The following MROH7 variants were observed in gnomAD, a reference collection of about 807,000 sequenced individuals.
MROH7 encodes the protein maestro heat-like repeat-containing protein family member 7.
A neutral mutation model predicts 129.2 loss-of-function variants in MROH7; 113 were observed. That is an observed-to-expected ratio of 0.87 (90% CI 0.75 to 1.02). The LOEUF is 1.02. Ranked by LOEUF, MROH7 falls within the 50% of genes least tolerant of loss-of-function variation. MROH7 has a pLI of 0.00. For missense variants in MROH7, 1,601 were observed against 1,671.3 expected (o/e 0.96, Z 0.73); for synonymous variants, 655 against 667.9 (o/e 0.98, Z 0.30).
At chr1:54,656,155 A>G (rs1644641616) in intron 3 of MROH7, among the ~76,000 whole-genome samples, 1 of 151,704 alleles carries the variant, frequency 6.6e-6, no homozygotes, top group African/African-American at 2.4e-5. Context: ...CAGCCGCCCA[A>G]AGTGCTGGGA....
chr1:54,679,973 T>G lies in MROH7; in HGVS notation c.2309T>G (p.Val770Gly). Residue 770 changes from valine to glycine, a missense_variant, in exon 13 of 24, where the codon GTC becomes GGC. Val to Gly is a moderately radical substitution (Grantham distance 109, BLOSUM62 -3). Transcript: ENST00000421030. ...GCCCGCCAGGTGGCCCTGCTGCCCG[T>G]CTCCCTCCTGGCTAGCTCCTTCATG... ...PRARQVALLP[V>G]SLLASSFMTE... 6.2e-7 allele frequency: 1 copy of G among 1,613,968 alleles called. No individual in the cohort carries two copies. Among genetic ancestry groups the G allele is most frequent in the Non-Finnish European group, 8.5e-7 (1 of 1,179,966 alleles).
chr1:54,702,721 A>C lies in MROH7; in HGVS notation c.3540A>C (p.Thr1180=). 1 of 1,613,444 alleles carries C rather than the reference A, an allele frequency of 6.2e-7. No homozygotes were observed. The change falls in exon 21 of 24, where the codon ACA becomes ACC. Residue 1180 remains threonine, a synonymous_variant. Transcript: ENST00000421030. ...AGCCCTGGGACAACCAACAGCAGAC[A>C]GTGGCCAAAATTTGCAAGTGCCTTG... is the stretch of plus-strand genomic sequence containing the variant. The part of the protein sequence containing the change: ...SRKPWDNQQQ[T]VAKICKCLVN...
chr1:54,673,919 G>A (rs1379595628), intron 9 of MROH7, 97 bp from the exon 10 acceptor site: 2 of 1,535,788 alleles, frequency 1.3e-6, no homozygotes, highest in East Asian at 2.3e-5. Flanking sequence ...TCAGAGGGCT[G>A]TGCTATCTGG....
intron 20 of MROH7, 113 bp downstream of exon 20, chr1:54,702,358 G>A: frequency 2.0e-6 from 2 of 984,558 alleles, no homozygotes; most frequent in Non-Finnish European, 2.8e-6. Context: ...AGTTATGTAT[G>A]TCCAGCCATG....
chr1:54,675,507 G>A (rs1644966193), intron 10 of MROH7, among the ~76,000 whole-genome samples: 2 of 152,092 alleles, frequency 1.3e-5, no homozygotes, highest in Non-Finnish European at 2.9e-5. Context: ...CACATCTCTG[G>A]AGGATGGATG....
intron 1 of MROH7, chr1:54,651,210 C>T (rs1644549414): frequency 1.3e-5 from 2 of 152,274 alleles, no homozygotes; most frequent in South Asian, 4.1e-4. Flanking sequence ...TGGACATTTA[C>T]TGTGTGCCAG....
chr1:54,669,419 T>C (rs1348374872), intron 5 of MROH7, among the ~76,000 whole-genome samples: 1 of 152,244 alleles, frequency 6.6e-6, no homozygotes, highest in Non-Finnish European at 1.5e-5. Flanking sequence ...TTGTGTACTT[T>C]ACAGAGACAA....
At chr1:54,693,249 G>A (rs1416524459) in intron 16 of MROH7, among the ~76,000 whole-genome samples, 1 of 152,142 alleles carries the variant, frequency 6.6e-6, no homozygotes, top group Non-Finnish European at 1.5e-5. Context: ...AGTGTCAGTT[G>A]GGTCTGCAGA....
intron 1 of MROH7, among the ~76,000 whole-genome samples, chr1:54,650,301 A>G (rs1017955868): frequency 1.3e-5 from 2 of 152,224 alleles, no homozygotes; most frequent in African/African-American, 2.4e-5. Context: ...CTTTAAACTC[A>G]GGACTACATG....
At chr1:54,648,144 A>G (rs1644497403) in intron 1 of MROH7, among the ~76,000 whole-genome samples, 1 of 151,700 alleles carries the variant, frequency 6.6e-6, no homozygotes, top group African/African-American at 2.4e-5. Flanking sequence ...TCAGCCTCCC[A>G]AAGTGCTGAG....
In MROH7 at chr1:54,673,204, G is replaced by A. The variant is rs762743443; in HGVS notation, c.1695+18G>A. 1.3e-6 allele frequency: 2 copies of A among 1,586,532 alleles called. No individual in the cohort carries two copies. The highest frequency in any genetic ancestry group is 1.7e-6 in the Non-Finnish European group (2 of 1,156,606). On this transcript the variant is annotated intron_variant, in intron 8 of 23. Transcript: ENST00000421030. Reference sequence around the variant, plus strand: ...TCTTGGAGGTGCGGAGATGGGAGGGGCAAGGAAGGGAGGGGAGGAAGGGTG... The same window carrying A: ...TCTTGGAGGTGCGGAGATGGGAGGGACAAGGAAGGGAGGGGAGGAAGGGTG...
intron 13 of MROH7, among the ~76,000 whole-genome samples, chr1:54,682,211 G>A (rs1261419889): frequency 1.3e-5 from 2 of 149,058 alleles, no homozygotes; most frequent in Non-Finnish European, 3.0e-5. Context: ...TCCCAGGCTG[G>A]AGTGCACTGC....
intron 3 of MROH7, among the ~76,000 whole-genome samples, chr1:54,656,998 G>A (rs774842330): frequency 2.7e-5 from 4 of 150,798 alleles, no homozygotes; most frequent in Non-Finnish European, 5.9e-5. Context: ...ACCAGCTTGA[G>A]CAACATAGCA....
chr1:54,644,949 A>G (rs1176983052), intron 1 of MROH7, among the ~76,000 whole-genome samples: 1 of 151,970 alleles, frequency 6.6e-6, no homozygotes, highest in East Asian at 1.9e-4. Context: ...AGCTGGGACT[A>G]CAGGCACCTG....
Position 54,653,764 on chromosome 1 carries a change from T to C in MROH7, c.838T>C (p.Ser280Pro), listed in dbSNP as rs1049411858. Residue 280 changes from serine (S) to proline (P), a missense_variant, in exon 3 of 24, where the codon TCC (serine) becomes CCC (proline). By Grantham distance (74) the Ser-to-Pro change is moderately conservative. Transcript: ENST00000421030. ...TSSKETMNVASSGHSRSDLSV... is the reference protein window; with the variant it reads ...TSSKETMNVAPSGHSRSDLSV... ...TTCAAAGGAAACCATGAATGTGGCTTCCAGCGGCCACTCCAGATCTGATTT... is the reference window on the plus strand; with the variant it reads ...TTCAAAGGAAACCATGAATGTGGCTCCCAGCGGCCACTCCAGATCTGATTT... 1 of 1,614,204 alleles carries C rather than the reference T, an allele frequency of 6.2e-7. No individual in the cohort carries two copies. The highest frequency in any genetic ancestry group is 8.5e-7 in the Non-Finnish European group (1 of 1,180,030).
At chr1:54,690,882 C>A (rs1645226568) in intron 15 of MROH7, among the ~76,000 whole-genome samples, 1 of 152,084 alleles carries the variant, frequency 6.6e-6, no homozygotes, top group African/African-American at 2.4e-5. Flanking sequence ...TGTGCCCAAG[C>A]CAGTTTGTAA....
intron 5 of MROH7, among the ~76,000 whole-genome samples, 198 bp from the exon 6 acceptor site, chr1:54,670,299 C>T (rs1366279614): frequency 1.3e-5 from 2 of 152,080 alleles, no homozygotes; most frequent in African/African-American, 4.8e-5. Context: ...CAAGACTCTG[C>T]CTCTACAAAA....
intron 15 of MROH7, 143 bp from the exon 16 acceptor site, chr1:54,692,281 C>T: frequency 2.0e-6 from 2 of 1,016,124 alleles, no homozygotes. Context: ...AAAAGCCACC[C>T]TTTGTGGATA....
intron 23 of MROH7, among the ~76,000 whole-genome samples, 160 bp from the exon 24 acceptor site, chr1:54,709,786 G>GA (rs1645594206): frequency 6.6e-6 from 1 of 152,022 alleles, no homozygotes; most frequent in South Asian, 2.1e-4. Flanking sequence ...TTCAGGCTCT[G>GA]AAAAATGTGA....
Sources: allele counts gnomAD v4.1 joint callset (sites outside exome capture counted in the v4.1 genomes callset), GRCh38; gene constraint gnomAD v4.1.1; transcripts MANE v1.5; gene names NCBI Gene and HGNC (gene_info 2026-07-23, HGNC 2026-07-21).